The following RAD51B variants were observed in gnomAD, a reference collection of about 807,000 sequenced individuals.
RAD51B encodes DNA repair protein RAD51 homolog 2.
In RAD51B, 38 loss-of-function variants were observed where a neutral mutation model predicts 42.2. The ratio of observed to expected loss-of-function variants is 0.90; its 90% CI spans 0.70 to 1.18. The LOEUF (loss-of-function observed/expected upper bound fraction) is 1.18, where lower values mean the gene tolerates loss of function less well. Ranked by LOEUF, RAD51B falls within the 50% of genes most tolerant of loss-of-function variation. The probability of loss-of-function intolerance (pLI) is 0.00; values close to 1 mark genes in which losing one functional copy is unlikely to be tolerated. For synonymous variants in RAD51B, 154 were observed against 145.2 expected (o/e 1.06, Z -0.43); for missense variants, 373 against 400.7 (o/e 0.93, Z 0.59).
At chr14:67,940,367 C>T (rs538606649) in intron 7 of RAD51B, among the ~76,000 whole-genome samples, 36 of 151,948 alleles carry the variant, frequency 2.4e-4, no homozygotes, top group East Asian at 2.3e-3. Flanking sequence ...CGTGAGCCAC[C>T]GCACCCAGCC....
At chr14:68,331,620 T>G (rs1016825428) in intron 8 of RAD51B, among the ~76,000 whole-genome samples, 1 of 152,090 alleles carries the variant, frequency 6.6e-6, no homozygotes, top group Non-Finnish European at 1.5e-5. Flanking sequence ...TTCTGCAATT[T>G]CCTGGGCCAC....
At chr14:67,892,784 AATAGAAATGCTGG>A (rs1253818115) in intron 7 of RAD51B, among the ~76,000 whole-genome samples, 1 of 152,238 alleles carries the variant, frequency 6.6e-6, no homozygotes, top group Non-Finnish European at 1.5e-5. Context: ...ACTGACCCTC[AATAGAAATGCTGG>A]ACATTAAGGC....
At chr14:68,077,246 G>T (rs2076848513) in intron 7 of RAD51B, among the ~76,000 whole-genome samples, 1 of 152,138 alleles carries the variant, frequency 6.6e-6, no homozygotes, top group South Asian at 2.1e-4. Flanking sequence ...GATTTAGACT[G>T]TTTGTTGTCA....
At chr14:68,434,764 C>G (rs1002463772) in intron 9 of RAD51B, among the ~76,000 whole-genome samples, 2 of 152,202 alleles carry the variant, frequency 1.3e-5, no homozygotes, top group Non-Finnish European at 2.9e-5. Context: ...CACCCACTGT[C>G]TGACAAGCCC....
chr14:68,018,275 G>T (rs1382701999), intron 7 of RAD51B, among the ~76,000 whole-genome samples: 1 of 152,036 alleles, frequency 6.6e-6, no homozygotes, highest in Non-Finnish European at 1.5e-5. Flanking sequence ...ATCAGTAATT[G>T]GTTAACTTCA....
intron 7 of RAD51B, among the ~76,000 whole-genome samples, chr14:67,977,364 T>A (rs1216717273): frequency 6.6e-6 from 1 of 152,242 alleles, no homozygotes; most frequent in Non-Finnish European, 1.5e-5. Flanking sequence ...AGTTTGGAAC[T>A]ACATTTTATT....
At chr14:67,931,262 CTCTT>C (rs1191399831) in intron 7 of RAD51B, among the ~76,000 whole-genome samples, 2 of 152,064 alleles carry the variant, frequency 1.3e-5, no homozygotes, top group African/African-American at 2.4e-5. Context: ...GGTTCTGAGA[CTCTT>C]TCTTTTGCTT....
chr14:68,391,480 G>A (rs2083757243), intron 8 of RAD51B, among the ~76,000 whole-genome samples: 1 of 152,066 alleles, frequency 6.6e-6, no homozygotes, highest in East Asian at 1.9e-4. Context: ...TGTCACAGTT[G>A]GCAGCCTCAG....
At chr14:68,332,319 T>C (rs1270760700) in intron 8 of RAD51B, among the ~76,000 whole-genome samples, 1 of 152,224 alleles carries the variant, frequency 6.6e-6, no homozygotes, top group Non-Finnish European at 1.5e-5. Context: ...ACATGTATAT[T>C]ATACATCTCT....
chr14:68,060,292 A>G (rs556266972), intron 7 of RAD51B, among the ~76,000 whole-genome samples: 11 of 152,338 alleles, frequency 7.2e-5, no homozygotes, highest in African/African-American at 2.6e-4. Flanking sequence ...TGGATTTTGT[A>G]GTTACCACAA....
intron 9 of RAD51B, among the ~76,000 whole-genome samples, chr14:68,441,308 C>T (rs943288278): frequency 1.4e-5 from 2 of 147,370 alleles, no homozygotes; most frequent in Non-Finnish European, 1.5e-5. Context: ...TTTGGGAGGC[C>T]GAGGTGGGTG....
chr14:68,259,725 C>T (rs1002226860), intron 7 of RAD51B, among the ~76,000 whole-genome samples: 1 of 152,154 alleles, frequency 6.6e-6, no homozygotes, highest in African/African-American at 2.4e-5. Flanking sequence ...GAGCTCATGG[C>T]ACTTTATTTC....
rs544410047 is a variant in RAD51B at position 68,501,290 on chromosome 14, T to C, written c.1036+33040T>C. ...TGTTCTATTGCAGTTGTTTTGAATA[T>C]GATCAAAAGGAAGGAAGAGACTATG... On this transcript the variant is annotated intron_variant, in intron 10 of 10. Transcript: ENST00000487270. 4.6e-5 allele frequency among the ~76,000 whole-genome samples: 7 copies of C among 152,290 alleles called. No individual in the cohort carries two copies. The South Asian group carries it at 1.2e-3, about 27-fold the overall frequency.
At position 68,553,436 on chromosome 14, in the gene RAD51B, G is replaced by C. The variant is rs570395483; in HGVS notation, c.1037-41049G>C. 8.9e-4 allele frequency among the ~76,000 whole-genome samples: 135 copies of C among 152,324 alleles called. 5 individuals carry two copies. The South Asian group carries it at 0.028, about 31-fold the overall frequency. ...GTTCTGGTTAAGGAATTTCCAGGCA[G>C]GAAGAAGTTCATATTTTTGAGCTGG... On this transcript the variant is annotated intron_variant, in intron 10 of 10. Coordinates refer to the RAD51B transcript ENST00000487270.
At chr14:68,541,204 G>A in intron 10 of RAD51B, 1 of 985,414 alleles carries the variant, frequency 1.0e-6, no homozygotes, top group Non-Finnish European at 1.2e-6. Context: ...TCCTTTCTCT[G>A]CTCAGCTCCG....
intron 6 of RAD51B, 60 bp from the exon 7 acceptor site, chr14:67,886,961 C>A: frequency 8.9e-7 from 1 of 1,124,714 alleles, no homozygotes; most frequent in Non-Finnish European, 1.2e-6. Context: ...CTTTGCAATA[C>A]CTTTATTTAT....
At chr14:68,152,427 G>A (rs1167679946) in intron 7 of RAD51B, among the ~76,000 whole-genome samples, 3 of 152,066 alleles carry the variant, frequency 2.0e-5, no homozygotes, top group African/African-American at 7.2e-5. Flanking sequence ...TTATTCTTTT[G>A]AGCCTGGCCA....
chr14:68,050,002 C>G (rs2076366468), intron 7 of RAD51B, among the ~76,000 whole-genome samples: 1 of 152,170 alleles, frequency 6.6e-6, no homozygotes, highest in Admixed American at 6.5e-5. Flanking sequence ...GTATTTTTCA[C>G]AGGTCTAGAA....
At chr14:68,422,920 C>T (rs2084745077) in intron 9 of RAD51B, among the ~76,000 whole-genome samples, 1 of 152,168 alleles carries the variant, frequency 6.6e-6, no homozygotes, top group South Asian at 2.1e-4. Flanking sequence ...CCAGTGGCTC[C>T]TGGCAACTGT....
Sources: allele counts gnomAD v4.1 joint callset (sites outside exome capture counted in the v4.1 genomes callset), GRCh38; gene constraint gnomAD v4.1.1; transcripts MANE v1.5; gene names NCBI Gene and HGNC (gene_info 2026-07-23, HGNC 2026-07-21).